Variants in DOK6 observed in about 807,000 individuals in gnomAD.
DOK6 encodes the protein docking protein 6, also known as downstream of tyrosine kinase 6.
In DOK6, 22 loss-of-function variants were observed where a neutral mutation model predicts 44.0. The observed-to-expected ratio is 0.50, with a 90% confidence interval of 0.36 to 0.71. The LOEUF (loss-of-function observed/expected upper bound fraction) is 0.71. DOK6 is among the 30% of genes least tolerant of loss of function. The pLI is 0.00. For missense variants in DOK6, 340 were observed against 416.4 expected, an observed-to-expected ratio of 0.82 and a Z score of 1.60; for synonymous variants, 166 against 145.5, an observed-to-expected ratio of 1.14 and a Z score of -1.01.
intron 3 of DOK6, among the ~76,000 whole-genome samples, chr18:69,611,255 T>C (rs12326138): frequency 0.027 from 4,050 of 152,192 alleles, 183 homozygotes; most frequent in African/African-American, 0.093. Flanking sequence ...GTGAGGTGCA[T>C]AGTGACACAC....
Position 69,412,476 on chromosome 18 carries a change from C to G in DOK6, c.66+11166C>G, listed in dbSNP as rs77716521. ...CAAGACCGACTCCCAGAGATTCTACCTTAATTGATTTCTGGGCAAGAGAAT... is the reference window on the plus strand; with the variant it reads ...CAAGACCGACTCCCAGAGATTCTACGTTAATTGATTTCTGGGCAAGAGAAT... On this transcript the variant is annotated intron_variant, in intron 1 of 7. Transcript: ENST00000382713. Among the ~76,000 whole-genome samples the G allele has an allele frequency of 3.4e-3, 515 of 152,100 alleles. 16 individuals carry two copies. Among genetic ancestry groups the G allele is most frequent in the Admixed American group, 0.026 (395 of 15,268 alleles).
chr18:69,720,801 A>G (rs940634258), intron 5 of DOK6, among the ~76,000 whole-genome samples: 2 of 152,200 alleles, frequency 1.3e-5, no homozygotes, highest in Non-Finnish European at 2.9e-5. Flanking sequence ...AAATAAAACG[A>G]AAAAATTCTC....
intron 7 of DOK6, among the ~76,000 whole-genome samples, chr18:69,778,234 T>C (rs1980141674): frequency 6.6e-6 from 1 of 152,126 alleles, no homozygotes. Flanking sequence ...ATACAAGATG[T>C]ATATAAAGTC....
intron 1 of DOK6, among the ~76,000 whole-genome samples, chr18:69,509,496 G>A (rs935362783): frequency 2.6e-5 from 4 of 151,916 alleles, no homozygotes; most frequent in Non-Finnish European, 5.9e-5. Flanking sequence ...AAATTAGCCG[G>A]GCGTGGTGGC....
intron 1 of DOK6, among the ~76,000 whole-genome samples, chr18:69,512,824 C>T (rs1303145359): frequency 6.6e-6 from 1 of 152,154 alleles, no homozygotes; most frequent in Admixed American, 6.5e-5. Context: ...TAAATCAATG[C>T]TTTCTACGAT....
At chr18:69,544,493 C>A (rs1982350421) in intron 1 of DOK6, among the ~76,000 whole-genome samples, 1 of 151,480 alleles carries the variant, frequency 6.6e-6, no homozygotes, top group Non-Finnish European at 1.5e-5. Flanking sequence ...ATAATGAAAA[C>A]ACTCAACAAA....
At chr18:69,567,019 A>G (rs920218609) in intron 2 of DOK6, among the ~76,000 whole-genome samples, 1 of 152,224 alleles carries the variant, frequency 6.6e-6, no homozygotes, top group African/African-American at 2.4e-5. Context: ...ACTCCTATTT[A>G]TCTTACAGAT....
chr18:69,629,079 C>A (rs1371545443), intron 3 of DOK6, among the ~76,000 whole-genome samples: 1 of 152,206 alleles, frequency 6.6e-6, no homozygotes. Flanking sequence ...TCTAAGGTCT[C>A]CTAGCCCATC....
At position 69,835,422 on chromosome 18, in the gene DOK6, A is replaced by G. The variant is rs1015330216; in HGVS notation, c.857-5822A>G. Among the ~76,000 whole-genome samples the G allele has an allele frequency of 9.2e-5, 14 of 152,036 alleles. 1 individual carries two copies. In the South Asian group the frequency reaches 1.5e-3, roughly 16 times the overall value. The stretch of plus-strand genomic sequence containing the variant: ...GGAGCTTGCAGTGAGCCAAAATCGC[A>G]CCACTGCACTCCAGCCTGGGCGACA... On this transcript the variant is annotated intron_variant, in intron 7 of 7. Coordinates refer to ENST00000382713, the MANE Select transcript of DOK6 (RefSeq NM_152721.6).
chr18:69,742,960 T>C (rs1354846383), intron 6 of DOK6, among the ~76,000 whole-genome samples: 2 of 152,116 alleles, frequency 1.3e-5, no homozygotes, highest in Non-Finnish European at 2.9e-5. Flanking sequence ...CATAGAATGA[T>C]CTCTGTATTA....
chr18:69,711,244 T>C (rs1385179329), intron 5 of DOK6, among the ~76,000 whole-genome samples: 3 of 152,216 alleles, frequency 2.0e-5, no homozygotes, highest in African/African-American at 7.2e-5. Flanking sequence ...AATATTTTCA[T>C]TTACAAGTAA....
chr18:69,638,468 T>C (rs72961455), intron 3 of DOK6, among the ~76,000 whole-genome samples: 11,886 of 145,396 alleles, frequency 0.082, 561 homozygotes, highest in East Asian at 0.18. Flanking sequence ...TTGTCAAACA[T>C]TGATTTGGGT....
At chr18:69,695,097 T>A (rs2144699973) in intron 4 of DOK6, among the ~76,000 whole-genome samples, 1 of 152,378 alleles carries the variant, frequency 6.6e-6, no homozygotes, top group African/African-American at 2.4e-5. Flanking sequence ...TTTTCCAAAG[T>A]CATTCCTCAT....
chr18:69,711,954 T>A (rs553661572), intron 5 of DOK6, among the ~76,000 whole-genome samples: 1 of 152,272 alleles, frequency 6.6e-6, no homozygotes, highest in East Asian at 1.9e-4. Context: ...ACCAGACAAT[T>A]GATGATTAAT....
At chr18:69,819,742 T>C (rs1045402348) in intron 7 of DOK6, among the ~76,000 whole-genome samples, 2 of 152,218 alleles carry the variant, frequency 1.3e-5, no homozygotes, top group African/African-American at 2.4e-5. Context: ...TTTAGATACC[T>C]CATATAAGTG....
At chr18:69,437,137 C>T (rs984654780) in intron 1 of DOK6, among the ~76,000 whole-genome samples, 1 of 152,120 alleles carries the variant, frequency 6.6e-6, no homozygotes, top group Non-Finnish European at 1.5e-5. Flanking sequence ...GTTTCATTTG[C>T]TGTGCAGAAG....
intron 2 of DOK6, among the ~76,000 whole-genome samples, chr18:69,589,999 T>G (rs756987561): frequency 2.0e-5 from 3 of 152,082 alleles, no homozygotes; most frequent in Non-Finnish European, 4.4e-5. Flanking sequence ...CTAAAATATC[T>G]AAATATGCCC....
chr18:69,608,949 CA>C (rs35590191), intron 3 of DOK6, among the ~76,000 whole-genome samples: 3 of 124,080 alleles, frequency 2.4e-5, no homozygotes, highest in African/African-American at 9.2e-5. Flanking sequence ...GACTCTGTCT[CA>C]AAAAAAAAAA....
chr18:69,659,820 TGTTATATATATATATAACATATA>T (rs1985464330), intron 3 of DOK6: 6 of 100,738 alleles, frequency 6.0e-5, no homozygotes, highest in Admixed American at 2.5e-4. Flanking sequence ...GCTTTTTTTT[TGTTATATATATATATAACATATA>T]TGTATGTTAT....
Sources: allele counts gnomAD v4.1 joint callset (sites outside exome capture counted in the v4.1 genomes callset), GRCh38; gene constraint gnomAD v4.1.1; transcripts MANE v1.5; gene names NCBI Gene and HGNC (gene_info 2026-07-23, HGNC 2026-07-21).